CSMD1: variants seen among roughly 807,000 people sequenced by gnomAD.
CSMD1 encodes CUB and sushi domain-containing protein 1.
In CSMD1, 213 loss-of-function variants were observed where a neutral mutation model predicts 417.5. The ratio of observed to expected loss-of-function variants is 0.51; its 90% CI spans 0.46 to 0.57. The LOEUF is 0.57. Among genes scored for constraint, CSMD1 ranks in the 20% least tolerant of loss-of-function variants. The pLI is 0.00. For missense variants in CSMD1, 6,923 were observed against 4,529.7 expected, an observed-to-expected ratio of 1.53 and a Z score of -15.17; for synonymous variants, 2,862 against 1,736.8, an observed-to-expected ratio of 1.65 and a Z score of -16.11.
At chr8:4,785,353 G>C (rs1030633844) in intron 1 of CSMD1, among the ~76,000 whole-genome samples, 1 of 152,138 alleles carries the variant, frequency 6.6e-6, no homozygotes, top group Admixed American at 6.5e-5. Context: ...CTGATGGTGT[G>C]GAGGTGGTCT....
intron 7 of CSMD1, among the ~76,000 whole-genome samples, chr8:3,651,665 G>A (rs1797864174): frequency 6.6e-6 from 1 of 152,052 alleles, no homozygotes; most frequent in South Asian, 2.1e-4. Flanking sequence ...GCAATAGCGT[G>A]CTTACTATCA....
chr8:4,898,526 G>T (rs948587495), intron 1 of CSMD1, among the ~76,000 whole-genome samples: 1 of 152,158 alleles, frequency 6.6e-6, no homozygotes. Flanking sequence ...CAATAAAACA[G>T]GTCTTTATGC....
intron 3 of CSMD1, among the ~76,000 whole-genome samples, chr8:4,194,376 C>A (rs1275156741): frequency 6.6e-6 from 1 of 152,152 alleles, no homozygotes; most frequent in Non-Finnish European, 1.5e-5. Flanking sequence ...ATATTGCTCA[C>A]ATTGGCATCA....
intron 2 of CSMD1, among the ~76,000 whole-genome samples, chr8:4,441,927 T>A (rs1351951234): frequency 6.6e-6 from 1 of 152,204 alleles, no homozygotes; most frequent in Non-Finnish European, 1.5e-5. Flanking sequence ...CTTATCAGCT[T>A]CTTACATAAC....
intron 7 of CSMD1, among the ~76,000 whole-genome samples, chr8:3,671,818 G>T (rs536180705): frequency 2.0e-5 from 3 of 151,848 alleles, no homozygotes; most frequent in Non-Finnish European, 4.4e-5. Flanking sequence ...TAGAACTTCA[G>T]TTCTTGAGCA....
At chr8:3,721,920 T>A (rs562637569) in intron 6 of CSMD1, among the ~76,000 whole-genome samples, 1 of 152,254 alleles carries the variant, frequency 6.6e-6, no homozygotes, top group South Asian at 2.1e-4. Context: ...GAAGTACTGA[T>A]GCATCTACAT....
intron 3 of CSMD1, among the ~76,000 whole-genome samples, chr8:4,219,048 T>C (rs1430366315): frequency 2.0e-5 from 3 of 152,296 alleles, no homozygotes; most frequent in African/African-American, 7.2e-5. Flanking sequence ...AAAATGGTCA[T>C]ACGTTAGAGG....
intron 1 of CSMD1, among the ~76,000 whole-genome samples, chr8:4,779,632 T>C (rs997984355): frequency 1.3e-5 from 2 of 152,306 alleles, no homozygotes; most frequent in Non-Finnish European, 2.9e-5. Flanking sequence ...TTCTCAAGCT[T>C]CTCTGGCAAG....
At chr8:4,191,378 A>G (rs1426923443) in intron 3 of CSMD1, among the ~76,000 whole-genome samples, 1 of 152,148 alleles carries the variant, frequency 6.6e-6, no homozygotes, top group African/African-American at 2.4e-5. Context: ...CCTGGGCAAC[A>G]GAGCAAGACT....
chr8:3,236,876 G>A (rs1401413043), intron 26 of CSMD1, among the ~76,000 whole-genome samples: 1 of 152,048 alleles, frequency 6.6e-6, no homozygotes, highest in African/African-American at 2.4e-5. Context: ...CTGAGATTAT[G>A]AGTGCCCTGT....
chr8:4,007,076 G>T (rs756764117), intron 4 of CSMD1, among the ~76,000 whole-genome samples: 2 of 151,986 alleles, frequency 1.3e-5, no homozygotes, highest in Non-Finnish European at 2.9e-5. Flanking sequence ...CTCACTTCGT[G>T]ATCCAGCCAC....
At chr8:4,262,558 C>T (rs1160010419) in intron 3 of CSMD1, among the ~76,000 whole-genome samples, 2 of 152,082 alleles carry the variant, frequency 1.3e-5, no homozygotes, top group African/African-American at 2.4e-5. Context: ...TTGAAATGCT[C>T]GGGACACACA....
intron 3 of CSMD1, among the ~76,000 whole-genome samples, chr8:4,065,980 A>G (rs531823475): frequency 1.2e-4 from 18 of 152,346 alleles, no homozygotes; most frequent in African/African-American, 3.8e-4. Context: ...GGTGAAAAAT[A>G]AAATAGGGGA....
intron 3 of CSMD1, among the ~76,000 whole-genome samples, chr8:4,417,791 C>CAT (rs1240647758): frequency 3.3e-5 from 5 of 151,908 alleles, no homozygotes; most frequent in South Asian, 2.1e-4. Flanking sequence ...ACTTCATATA[C>CAT]ATATATATAC....
At chr8:3,698,674 C>A (rs1479721255) in intron 7 of CSMD1, among the ~76,000 whole-genome samples, 1 of 152,118 alleles carries the variant, frequency 6.6e-6, no homozygotes. Flanking sequence ...TAGTAACACG[C>A]CTGGTATTCC....
chr8:3,359,426 TAAAA>T (rs34858861), intron 20 of CSMD1, 86 bp from the exon 21 acceptor site: 137 of 514,960 alleles, frequency 2.7e-4, no homozygotes, highest in Middle Eastern at 5.0e-4. Context: ...GTGCTATTAC[TAAAA>T]AAAAAAAAAA....
chr8:3,315,279 A>C (rs1398955520), intron 23 of CSMD1, among the ~76,000 whole-genome samples: 1 of 152,158 alleles, frequency 6.6e-6, no homozygotes, highest in African/African-American at 2.4e-5. Context: ...GGAGTTTCAA[A>C]GGTAATTGGT....
At chr8:3,546,863 G>A (rs1467867132) in intron 10 of CSMD1, among the ~76,000 whole-genome samples, 1 of 152,256 alleles carries the variant, frequency 6.6e-6, no homozygotes, top group South Asian at 2.1e-4. Context: ...GTGAAATATT[G>A]GAAAAACGAT....
chr8:3,458,642 G>T (rs1055625630), intron 12 of CSMD1, among the ~76,000 whole-genome samples: 3 of 152,162 alleles, frequency 2.0e-5, no homozygotes, highest in African/African-American at 4.8e-5. Context: ...GGCCTAGCTG[G>T]TAATTCACCT....
Sources: gnomAD v4.1 joint callset for allele counts (sites outside exome capture counted in the v4.1 genomes callset) on GRCh38, gnomAD v4.1.1 for gene constraint, MANE v1.5 for transcripts, NCBI Gene and HGNC (gene_info 2026-07-23, HGNC 2026-07-21) for gene names.